FAM3D: variants seen among roughly 807,000 people sequenced by gnomAD.
FAM3D encodes the protein FAM3 metabolism regulating signaling molecule D, also known as protein FAM3D.
Under a neutral mutation model 29.8 loss-of-function variants are expected in FAM3D, and 26 were observed. The ratio of observed to expected loss-of-function variants is 0.87; its 90% confidence interval spans 0.64 to 1.21. The LOEUF is 1.21. Ranked by LOEUF, FAM3D falls within the 50% of genes most tolerant of loss-of-function variation. The pLI, the probability that FAM3D is intolerant of heterozygous loss-of-function variation, is 0.00. For missense variants in FAM3D, 253 were observed against 290.9 expected (o/e 0.87, Z 0.95); for synonymous variants, 115 against 102.3 (o/e 1.12, Z -0.75).
chr3:58,662,319 G>A (rs1196636859), intron 1 of FAM3D, among the ~76,000 whole-genome samples: 1 of 152,196 alleles, frequency 6.6e-6, no homozygotes, highest in Non-Finnish European at 1.5e-5. Context: ...AACCAACGTG[G>A]TGGCCTCCAC....
At chr3:58,646,052 C>A (rs939183400) in intron 4 of FAM3D, among the ~76,000 whole-genome samples, 1 of 152,216 alleles carries the variant, frequency 6.6e-6, no homozygotes, top group Non-Finnish European at 1.5e-5. Context: ...TCTGTCTAGC[C>A]AGGTTCCCTT....
At chr3:58,656,803 C>G (rs959937311) in intron 1 of FAM3D, among the ~76,000 whole-genome samples, 2 of 152,240 alleles carry the variant, frequency 1.3e-5, no homozygotes, top group African/African-American at 4.8e-5. Context: ...ATGCCTGGCA[C>G]AGCCCCCAAC....
intron 1 of FAM3D, among the ~76,000 whole-genome samples, chr3:58,666,089 T>C (rs2067024673): frequency 6.6e-6 from 1 of 152,236 alleles, no homozygotes; most frequent in Admixed American, 6.5e-5. Context: ...AACATTCCTT[T>C]CTTTTTTATT....
intron 4 of FAM3D, among the ~76,000 whole-genome samples, chr3:58,648,818 A>G (rs561496055): frequency 7.2e-5 from 11 of 152,230 alleles, no homozygotes; most frequent in African/African-American, 2.6e-4. Flanking sequence ...CACTTCTCTT[A>G]GGCAGGTCTG....
At chr3:58,642,801 C>G (rs543141607) in intron 6 of FAM3D, among the ~76,000 whole-genome samples, 4 of 152,186 alleles carry the variant, frequency 2.6e-5, no homozygotes, top group Admixed American at 2.6e-4. Context: ...ACACACTGCT[C>G]AAAGCCTTTC....
intron 1 of FAM3D, among the ~76,000 whole-genome samples, chr3:58,664,022 C>T (rs933792001): frequency 6.6e-5 from 10 of 152,160 alleles, no homozygotes; most frequent in African/African-American, 2.4e-4. Context: ...GTGTGCATGT[C>T]GGAGGGAGAG....
chr3:58,652,838 ATCCATCCATCTG>A (rs1414472225), intron 3 of FAM3D, among the ~76,000 whole-genome samples: 7 of 138,664 alleles, frequency 5.0e-5, no homozygotes, highest in African/African-American at 1.3e-4. Context: ...TTCTTCACTC[ATCCATCCATCTG>A]TCCATCCATC....
intron 1 of FAM3D, among the ~76,000 whole-genome samples, chr3:58,661,993 C>A (rs931658635): frequency 6.6e-6 from 1 of 152,184 alleles, no homozygotes; most frequent in Non-Finnish European, 1.5e-5. Context: ...CCCTTCCCTG[C>A]CCTCCAGTGT....
At chr3:58,643,406 A>G (rs1415023602) in intron 6 of FAM3D, among the ~76,000 whole-genome samples, 1 of 152,218 alleles carries the variant, frequency 6.6e-6, no homozygotes, top group East Asian at 1.9e-4. Context: ...TGTTTCACTC[A>G]TGTTCCATAG....
chr3:58,634,301 C>A lies in FAM3D; in HGVS notation c.653G>T (p.Cys218Phe). 6.2e-7 allele frequency: 1 copy of A among 1,613,948 alleles called. No individual in the cohort carries two copies. Among genetic ancestry groups the A allele is most frequent in the Non-Finnish European group, 8.5e-7 (1 of 1,179,964 alleles). Residue 218 changes from cysteine (C) to phenylalanine (F), a missense_variant, in exon 10 of 10, where the codon TGC becomes TTC. By Grantham distance (205) the Cys-to-Phe change is radical (BLOSUM62 -2). Coordinates refer to ENST00000358781, the MANE Select transcript of FAM3D (RefSeq NM_138805.3). This position sits in a 1 kb window ranked among gnomAD's most constrained non-coding sequence, Gnocchi z 4.6. ...GWPELLEMEG[C>F]MPPKPF ...ACCCTAAAATGGCTTCGGGGGCATGCAGCCCTCCATCTCCAGCAGCTCTGG... is the reference window on the plus strand; with the variant it reads ...ACCCTAAAATGGCTTCGGGGGCATGAAGCCCTCCATCTCCAGCAGCTCTGG...
At position 58,649,448 on chromosome 3, in the gene FAM3D, G is replaced by C. The variant is rs755098964; in HGVS notation, c.122-110C>G. On this transcript the variant is annotated intron_variant, in intron 3 of 9. Transcript: ENST00000358781. ...TGGGAATAAGGGGATTTAAATTGGCGCCATTGAAATGAACTAAAAATGCCT... is the reference window on the plus strand; with the variant it reads ...TGGGAATAAGGGGATTTAAATTGGCCCCATTGAAATGAACTAAAAATGCCT... The C allele has an allele frequency of 5.2e-6, 7 of 1,340,206 alleles. No individual in the cohort carries two copies. The East Asian group carries it at 1.2e-4, about 23-fold the overall frequency. 83.0% of individuals were successfully genotyped at this position (1,340,206 alleles called of 1,614,324 possible). A position where few individuals can be genotyped will look rare whatever the true frequency, so the allele number is the denominator to read the frequency against.
At chr3:58,661,187 A>T (rs1325240773) in intron 1 of FAM3D, among the ~76,000 whole-genome samples, 1 of 152,122 alleles carries the variant, frequency 6.6e-6, no homozygotes, top group East Asian at 1.9e-4. Context: ...TTGTTTGCCC[A>T]CCTGTGCCCT....
intron 8 of FAM3D, 27 bp downstream of exon 8, chr3:58,637,114 G>T: frequency 6.3e-7 from 1 of 1,598,594 alleles, no homozygotes; most frequent in Non-Finnish European, 8.6e-7. Flanking sequence ...TCACTGTGTG[G>T]CCTGGCAGGT....
rs1219371229 is a variant in FAM3D at position 58,634,209 on chromosome 3, G to C, written c.*70C>G. 1 of 1,444,090 alleles carries C rather than the reference G, an allele frequency of 6.9e-7. No homozygotes were observed. The highest frequency in any genetic ancestry group is 2.3e-5 in the East Asian group (1 of 43,906). 89.5% of individuals were successfully genotyped at this position (1,444,090 alleles called of 1,614,324 possible). A position where few individuals can be genotyped will look rare whatever the true frequency, so the allele number is the denominator to read the frequency against. On this transcript the variant is annotated 3_prime_UTR_variant, in exon 10 of 10. Transcript: ENST00000358781. The surrounding 1 kb of genome is among the most constrained non-coding windows in gnomAD (Gnocchi z 4.6). ...CCCCTGCTCCTCCTCCTCAGCCCCT[G>C]CCGGGCTCTGACTCCTAAGTCAGGC...
At chr3:58,649,444 T>A (rs766936392) in intron 3 of FAM3D, 106 bp from the exon 4 acceptor site, 1 of 1,364,628 alleles carries the variant, frequency 7.3e-7, no homozygotes, top group Non-Finnish European at 1.0e-6. Flanking sequence ...GGATTTAAAT[T>A]GGCGCCATTG....
intron 8 of FAM3D, 102 bp from the exon 9 acceptor site, chr3:58,636,522 C>A: frequency 6.6e-7 from 1 of 1,507,526 alleles, no homozygotes. Flanking sequence ...TCTCCCCATT[C>A]AGCATCTGCC....
Position 58,635,402 on chromosome 3 carries a change from A to G in FAM3D, c.585+892T>C, listed in dbSNP as rs2066134754. 6.6e-6 allele frequency among the ~76,000 whole-genome samples: 1 copy of G among 152,214 alleles called. No homozygotes were observed. The highest frequency in any genetic ancestry group is 1.5e-5 in the Non-Finnish European group (1 of 68,036). ...ACTAAGAACAGACCGGCTTAGTCCC[A>G]TTAGGGTGCTTGGTTCATTTTTGTG... On this transcript the variant is annotated intron_variant, in intron 9 of 9. Transcript: ENST00000358781. The surrounding 1 kb of genome is among the most constrained non-coding windows in gnomAD (Gnocchi z 5.2).
At chr3:58,636,187 A>G in intron 9 of FAM3D, 107 bp downstream of exon 9, 3 of 1,488,358 alleles carry the variant, frequency 2.0e-6, no homozygotes, top group Non-Finnish European at 2.7e-6. Flanking sequence ...TCCCCAGACA[A>G]TCCTCCCAAT....
intron 3 of FAM3D, among the ~76,000 whole-genome samples, chr3:58,653,331 A>G (rs1355973314): frequency 6.6e-6 from 1 of 152,120 alleles, no homozygotes; most frequent in African/African-American, 2.4e-5. Flanking sequence ...GAAGACGCTC[A>G]ATATATGATT....
Sources: gnomAD v4.1 joint callset for allele counts (sites outside exome capture counted in the v4.1 genomes callset) on GRCh38, gnomAD v4.1.1 for gene constraint, Gnocchi (gnomAD v3.1) non-coding constraint, MANE v1.5 for transcripts, NCBI Gene and HGNC (gene_info 2026-07-23, HGNC 2026-07-21) for gene names.